TOX2: variants seen among roughly 807,000 people sequenced by gnomAD.
TOX2 encodes granulosa cell HMG box 1.
In TOX2, 15 loss-of-function variants were observed where a neutral mutation model predicts 47.4. That is an observed-to-expected ratio of 0.32 (90% CI 0.21 to 0.49). The LOEUF is 0.49. Among genes scored for constraint, TOX2 ranks in the 20% least tolerant of loss-of-function variants. The probability of loss-of-function intolerance (pLI) is 0.99; values close to 1 mark genes in which losing one functional copy is unlikely to be tolerated. For missense variants in TOX2, 622 were observed against 673.1 expected (o/e 0.92, Z 0.84); for synonymous variants, 290 against 296.6 (o/e 0.98, Z 0.23).
chr20:44,020,495 G>A (rs1442235128), intron 3 of TOX2, among the ~76,000 whole-genome samples: 2 of 152,154 alleles, frequency 1.3e-5, no homozygotes, highest in East Asian at 1.9e-4. Flanking sequence ...TAAAAAGATG[G>A]CCCCTCTTGG....
chr20:44,034,139 C>A (rs113964675), intron 3 of TOX2, among the ~76,000 whole-genome samples: 167 of 152,300 alleles, frequency 1.1e-3, no homozygotes, highest in African/African-American at 3.7e-3. Flanking sequence ...CAGAGCTCAT[C>A]GCACTGGCCC....
intron 1 of TOX2, chr20:43,946,176 A>G (rs912972018): frequency 1.8e-5 from 25 of 1,359,432 alleles, no homozygotes; most frequent in Non-Finnish European, 2.1e-5. Flanking sequence ...AAGATGCTTT[A>G]GAGGGGCCAG....
At chr20:43,946,079 TCAGGC>T (rs1040072232) in intron 1 of TOX2, 2 of 1,608,910 alleles carry the variant, frequency 1.2e-6, no homozygotes, top group Non-Finnish European at 1.7e-6. Context: ...GTGGAGGTGG[TCAGGC>T]CGTCACTGTG....
chr20:43,984,138 A>G (rs989026903), intron 2 of TOX2, among the ~76,000 whole-genome samples: 1 of 152,252 alleles, frequency 6.6e-6, no homozygotes, highest in African/African-American at 2.4e-5. Context: ...TGCTAAGATT[A>G]CAAACAATCA....
chr20:43,973,842 T>TG (rs2070023362), intron 2 of TOX2, among the ~76,000 whole-genome samples: 1 of 152,182 alleles, frequency 6.6e-6, no homozygotes, highest in Non-Finnish European at 1.5e-5. Context: ...TGCATGGTTC[T>TG]CCTGCCTGCT....
intron 1 of TOX2, among the ~76,000 whole-genome samples, chr20:43,957,412 C>G (rs1457577246): frequency 6.6e-6 from 1 of 152,244 alleles, no homozygotes; most frequent in Non-Finnish European, 1.5e-5. Context: ...GGCTTTGCCA[C>G]TTTCTGTGTG....
chr20:43,967,577 C>G lies in TOX2; in HGVS notation c.100-5790C>G, dbSNP rs1010880481. Among the ~76,000 whole-genome samples the G allele has an allele frequency of 2.6e-5, 4 of 152,234 alleles. No individual in the cohort carries two copies. In the South Asian group the frequency reaches 8.3e-4, roughly 32 times the overall value. On this transcript the variant is annotated intron_variant, in intron 1 of 8. Transcript: ENST00000341197. ...CCCAATACTCTTCCCATACACTTGT[C>G]TGTTCACACTCATGCAGCCATCCCT...
At chr20:43,924,952 A>G (rs1247954259) in intron 1 of TOX2, among the ~76,000 whole-genome samples, 1 of 152,056 alleles carries the variant, frequency 6.6e-6, no homozygotes, top group East Asian at 1.9e-4. Flanking sequence ...CCCTTTCTTC[A>G]GTTCCTTACT....
chr20:43,951,707 G>GTTGTTTTTTTTTTTTTTTTTTTTT (rs2069571130), intron 1 of TOX2, among the ~76,000 whole-genome samples: 3 of 55,098 alleles, frequency 5.4e-5, no homozygotes, highest in Non-Finnish European at 7.8e-5. Flanking sequence ...AACTTATTAT[G>GTTGTTTTTTTTTTTTTTTTTTTTT]TTTTTTTTTT....
chr20:43,964,302 G>A (rs533694492), intron 1 of TOX2, among the ~76,000 whole-genome samples: 14 of 152,230 alleles, frequency 9.2e-5, no homozygotes, highest in South Asian at 2.1e-4. Flanking sequence ...CATCTGTGCC[G>A]GGCTCTCTGC....
chr20:44,013,372 C>T (rs2070813976), intron 3 of TOX2, among the ~76,000 whole-genome samples: 1 of 152,226 alleles, frequency 6.6e-6, no homozygotes, highest in Non-Finnish European at 1.5e-5. Context: ...CTGCAGAAGG[C>T]ATGGTCTATC....
At chr20:43,938,276 G>A (rs911688620) in intron 1 of TOX2, among the ~76,000 whole-genome samples, 6 of 152,118 alleles carry the variant, frequency 3.9e-5, no homozygotes, top group East Asian at 1.9e-4. Flanking sequence ...GCACAGATGC[G>A]GGCCCCACTC....
At chr20:44,026,228 G>GATATATATATATATATATAGATATATAT in intron 3 of TOX2, among the ~76,000 whole-genome samples, 1 of 60,258 alleles carries the variant, frequency 1.7e-5, no homozygotes, top group South Asian at 5.0e-4. Context: ...AAGAAACTGT[G>GATATATATATATATATATAGATATATAT]ATATATATAT....
At chr20:44,055,593 CT>C (rs1413345539) in intron 5 of TOX2, among the ~76,000 whole-genome samples, 3 of 152,120 alleles carry the variant, frequency 2.0e-5, no homozygotes, top group African/African-American at 7.2e-5. Context: ...TAGTCAGGCC[CT>C]GTTCTAAGAG....
intron 3 of TOX2, among the ~76,000 whole-genome samples, chr20:44,025,914 C>T (rs2071054194): frequency 6.6e-6 from 1 of 151,920 alleles, no homozygotes; most frequent in Non-Finnish European, 1.5e-5. Context: ...AAATGAGGAG[C>T]CATTTGTGGA....
At chr20:43,929,165 A>G (rs970648920) in intron 1 of TOX2, among the ~76,000 whole-genome samples, 2 of 151,818 alleles carry the variant, frequency 1.3e-5, no homozygotes, top group African/African-American at 2.4e-5. Flanking sequence ...CTCAAAAACA[A>G]ACAAACAAAC....
intron 1 of TOX2, among the ~76,000 whole-genome samples, chr20:43,939,593 A>G (rs528873458): frequency 1.1e-4 from 16 of 152,198 alleles, no homozygotes; most frequent in Non-Finnish European, 1.6e-4. Flanking sequence ...AGTCCCACAA[A>G]TGAATATGTG....
At chr20:44,045,344 A>G (rs994597579) in intron 3 of TOX2, among the ~76,000 whole-genome samples, 3 of 83,834 alleles carry the variant, frequency 3.6e-5, no homozygotes, top group Non-Finnish European at 8.7e-5. Context: ...AGAGCTTACA[A>G]AGTTGTAAAA....
rs541730931 is a variant in TOX2, at chr20:43,925,649, G to T, written c.99+10659G>T. ...CTTCCTCTCTCTGGGAATGTTCTGG[G>T]GTTCAGTTAGGTGTTGGGTGCCGGT... On this transcript the variant is annotated intron_variant, in intron 1 of 8. Transcript: ENST00000341197. Among the ~76,000 whole-genome samples, 10 of 152,278 alleles carry T rather than the reference G, an allele frequency of 6.6e-5. No homozygotes were observed. The South Asian group carries it at 2.1e-3, about 32-fold the overall frequency.
Sources: allele counts gnomAD v4.1 joint callset (sites outside exome capture counted in the v4.1 genomes callset), GRCh38; gene constraint gnomAD v4.1.1; transcripts MANE v1.5; gene names NCBI Gene and HGNC (gene_info 2026-07-23, HGNC 2026-07-21).